The following MYO16 variants were observed in gnomAD, a reference collection of about 807,000 sequenced individuals.
MYO16 encodes the protein myosin XVI, also known as unconventional myosin-XVI.
In MYO16, 94 loss-of-function variants were observed where a neutral mutation model predicts 205.3. That is an observed-to-expected ratio of 0.46 (90% CI 0.39 to 0.54). The LOEUF (loss-of-function observed/expected upper bound fraction) is 0.54, where lower values mean the gene tolerates loss of function less well. Ranked by LOEUF, MYO16 falls within the 20% of genes least tolerant of loss-of-function variation. MYO16 has a pLI of 0.00. For missense variants in MYO16, 2,315 were observed against 2,387.5 expected (o/e 0.97, Z 0.63); for synonymous variants, 988 against 954.0 (o/e 1.04, Z -0.66).
At chr13:108,574,276 GA>G in the MYO16 span, among the ~76,000 whole-genome samples, 2 of 152,148 alleles carry the variant, frequency 1.3e-5, no homozygotes, top group Non-Finnish European at 2.9e-5. Flanking sequence ...AGTTCTAGGG[GA>G]AAGTCAGGAA....
intron 1 of MYO16, among the ~76,000 whole-genome samples, chr13:108,639,366 G>A (rs965232671): frequency 3.9e-5 from 6 of 152,266 alleles, no homozygotes; most frequent in East Asian, 1.9e-4. Flanking sequence ...CATATCCTAC[G>A]TAGGGTAATT....
chr13:108,780,585 C>G (rs974119711), intron 4 of MYO16, among the ~76,000 whole-genome samples: 1 of 152,110 alleles, frequency 6.6e-6, no homozygotes, highest in African/African-American at 2.4e-5. Flanking sequence ...TATATAAACC[C>G]TTGAAAAGGA....
chr13:108,827,775 C>T (rs1049662522), intron 9 of MYO16, among the ~76,000 whole-genome samples: 3 of 152,160 alleles, frequency 2.0e-5, no homozygotes, highest in Non-Finnish European at 4.4e-5. Context: ...TATTTAAGTG[C>T]CTCACTTGCT....
chr13:108,863,935 G>A (rs1406492635), intron 11 of MYO16, among the ~76,000 whole-genome samples: 4 of 152,034 alleles, frequency 2.6e-5, no homozygotes, highest in Non-Finnish European at 4.4e-5. Context: ...TTGTCTACTT[G>A]ACCTTAATTT....
At chr13:108,975,523 C>G (rs763207558) in intron 20 of MYO16, among the ~76,000 whole-genome samples, 3 of 152,106 alleles carry the variant, frequency 2.0e-5, no homozygotes, top group Non-Finnish European at 4.4e-5. Context: ...GAAGATTAAT[C>G]TCTTTCAAGG....
intron 17 of MYO16, among the ~76,000 whole-genome samples, chr13:108,960,561 G>A (rs1036636425): frequency 3.9e-5 from 6 of 152,116 alleles, no homozygotes; most frequent in African/African-American, 9.7e-5. Context: ...CTCAAGAAGT[G>A]TATTGTTTCC....
chr13:109,184,317 A>T (rs1370659265), intron 34 of MYO16, among the ~76,000 whole-genome samples: 3 of 152,202 alleles, frequency 2.0e-5, no homozygotes, highest in Admixed American at 1.3e-4. Flanking sequence ...ATGTGCAAAA[A>T]ATGAAGGTAG....
intron 9 of MYO16, among the ~76,000 whole-genome samples, chr13:108,827,388 T>G (rs1321690297): frequency 6.6e-6 from 1 of 152,206 alleles, no homozygotes; most frequent in Non-Finnish European, 1.5e-5. Context: ...TTTTGTGCAG[T>G]AAATCATGAT....
In MYO16 at chr13:108,863,999, A is replaced by G. The variant is rs371436315; in HGVS notation, c.1360-2178A>G. Reference sequence around the variant, plus strand: ...TAATACCATCTTCATCTGTTTTTACATCCATACAATCTGTCTTGATGTCAT... The same window carrying G: ...TAATACCATCTTCATCTGTTTTTACGTCCATACAATCTGTCTTGATGTCAT... On this transcript the variant is annotated intron_variant, in intron 11 of 34. Transcript: ENST00000457511. Among the ~76,000 whole-genome samples the G allele has an allele frequency of 5.9e-5, 9 of 152,258 alleles. No homozygotes were observed. The South Asian group carries it at 8.3e-4, about 14-fold the overall frequency.
chr13:108,701,283 C>A (rs1277780142), intron 2 of MYO16, among the ~76,000 whole-genome samples: 1 of 152,028 alleles, frequency 6.6e-6, no homozygotes, highest in Non-Finnish European at 1.5e-5. Context: ...ATGTTTGTCA[C>A]CCCCCTGCAA....
At chr13:108,667,034 A>T (rs1277266759) in intron 2 of MYO16, among the ~76,000 whole-genome samples, 3 of 152,220 alleles carry the variant, frequency 2.0e-5, no homozygotes, top group African/African-American at 7.2e-5. Flanking sequence ...CACAATTTGG[A>T]ATCCAAAAAG....
the MYO16 span, among the ~76,000 whole-genome samples, chr13:108,523,715 C>T: frequency 6.6e-6 from 1 of 152,272 alleles, no homozygotes; most frequent in South Asian, 2.1e-4. Flanking sequence ...ATGCATGAAC[C>T]CTACAACATC....
chr13:108,778,846 C>T (rs1012629786), intron 4 of MYO16, among the ~76,000 whole-genome samples: 2 of 152,186 alleles, frequency 1.3e-5, no homozygotes, highest in African/African-American at 2.4e-5. Context: ...CCAAGGCTGG[C>T]ATAGAACCTC....
intron 4 of MYO16, among the ~76,000 whole-genome samples, chr13:108,729,873 A>G (rs181543376): frequency 1.3e-5 from 2 of 152,346 alleles, no homozygotes; most frequent in Admixed American, 6.5e-5. Flanking sequence ...CTGAGTCTAG[A>G]TCGTGGTATC....
chr13:109,187,976 C>T (rs1277163637), intron 34 of MYO16, among the ~76,000 whole-genome samples: 1 of 152,130 alleles, frequency 6.6e-6, no homozygotes, highest in African/African-American at 2.4e-5. Flanking sequence ...GTGGCTTTGT[C>T]CACACCTTTC....
chr13:109,189,208 G>T (rs1879812483), intron 34 of MYO16, among the ~76,000 whole-genome samples: 1 of 152,104 alleles, frequency 6.6e-6, no homozygotes, highest in South Asian at 2.1e-4. Context: ...TTCTAGCAGT[G>T]CTGGCAGCTG....
upstream of MYO16, among the ~76,000 whole-genome samples, chr13:108,625,572 G>A (rs1879704212): frequency 6.6e-6 from 1 of 152,162 alleles, no homozygotes; most frequent in Admixed American, 6.5e-5. Flanking sequence ...TTGTGATAGA[G>A]GAAATTATAA....
chr13:108,567,617 A>T, the MYO16 span, among the ~76,000 whole-genome samples: 3 of 152,280 alleles, frequency 2.0e-5, no homozygotes, highest in East Asian at 5.8e-4. Flanking sequence ...TGATATAATG[A>T]TGTTTTTGAA....
At chr13:108,731,195 A>C (rs1257255935) in intron 4 of MYO16, among the ~76,000 whole-genome samples, 1 of 152,226 alleles carries the variant, frequency 6.6e-6, no homozygotes, top group Non-Finnish European at 1.5e-5. Context: ...CTAGCAAGTC[A>C]CAGAAGTAGT....
Sources: gnomAD v4.1 joint callset for allele counts (sites outside exome capture counted in the v4.1 genomes callset) on GRCh38, gnomAD v4.1.1 for gene constraint, MANE v1.5 for transcripts, NCBI Gene and HGNC (gene_info 2026-07-23, HGNC 2026-07-21) for gene names.